KCNK2: variants seen among roughly 807,000 people sequenced by gnomAD.
The protein encoded by KCNK2 is potassium two pore domain channel subfamily K member 2, also known as potassium channel subfamily K member 2.
KCNK2 carries 21 observed loss-of-function variants against 40.5 expected under a neutral mutation model. The observed-to-expected ratio is 0.52, with a 90% confidence interval of 0.37 to 0.75. KCNK2 has a LOEUF of 0.75. Among genes scored for constraint, KCNK2 ranks in the 30% least tolerant of loss-of-function variants. The probability of loss-of-function intolerance (pLI) is 0.00; values close to 1 mark genes in which losing one functional copy is unlikely to be tolerated. For synonymous variants in KCNK2, 191 were observed against 202.2 expected, an observed-to-expected ratio of 0.94 and a Z score of 0.47; for missense variants, 399 against 531.6, an observed-to-expected ratio of 0.75 and a Z score of 2.45.
chr1:215,078,484 G>A (rs1659033219), upstream of KCNK2, among the ~76,000 whole-genome samples: 1 of 152,156 alleles, frequency 6.6e-6, no homozygotes, highest in Admixed American at 6.5e-5. Flanking sequence ...CCTCTTCCAG[G>A]GCAGCAGGAG....
At chr1:215,211,137 C>T (rs1007106478) in intron 6 of KCNK2, among the ~76,000 whole-genome samples, 6 of 152,084 alleles carry the variant, frequency 3.9e-5, no homozygotes, top group Non-Finnish European at 8.8e-5. Context: ...AGAGTAAAAG[C>T]GAATGTCTGT....
At chr1:215,200,804 G>T (rs1216968408) in intron 6 of KCNK2, among the ~76,000 whole-genome samples, 3 of 152,144 alleles carry the variant, frequency 2.0e-5, no homozygotes, top group Admixed American at 2.0e-4. Context: ...AAAGGAGAAT[G>T]ACATCCATAA....
At chr1:215,047,562 T>A (rs1055094868) in intron 1 of KCNK2, among the ~76,000 whole-genome samples, 9 of 152,110 alleles carry the variant, frequency 5.9e-5, no homozygotes, top group Non-Finnish European at 1.3e-4. Context: ...ATTAAGATTC[T>A]ATGATGATAG....
intron 5 of KCNK2, among the ~76,000 whole-genome samples, chr1:215,191,610 A>G (rs1171053975): frequency 6.6e-6 from 1 of 152,170 alleles, no homozygotes; most frequent in Non-Finnish European, 1.5e-5. Context: ...GTCACATGTC[A>G]TATAAGAATG....
intron 5 of KCNK2, among the ~76,000 whole-genome samples, chr1:215,172,844 A>G (rs1663779283): frequency 6.6e-6 from 1 of 151,998 alleles, no homozygotes; most frequent in Non-Finnish European, 1.5e-5. Flanking sequence ...TTTAGGAGAG[A>G]TGGGGTTTCA....
At chr1:215,083,485 C>T (rs1417945972) in intron 1 of KCNK2, 54 bp downstream of exon 1, 2 of 1,356,532 alleles carry the variant, frequency 1.5e-6, no homozygotes, top group African/African-American at 1.4e-5. Flanking sequence ...TCTCCTGCCC[C>T]AGCCTTTTCT....
At chr1:215,105,597 A>G (rs1475052046) in intron 2 of KCNK2, among the ~76,000 whole-genome samples, 1 of 151,926 alleles carries the variant, frequency 6.6e-6, no homozygotes, top group Non-Finnish European at 1.5e-5. Flanking sequence ...TGATTTATTT[A>G]TTTCAACTTT....
chr1:215,045,230 A>G (rs1293389109), intron 1 of KCNK2, among the ~76,000 whole-genome samples: 3 of 152,114 alleles, frequency 2.0e-5, no homozygotes, highest in African/African-American at 7.2e-5. Context: ...ACCACATAAA[A>G]AACAAAAAAG....
At chr1:215,056,178 C>T (rs1658152967) in intron 1 of KCNK2, among the ~76,000 whole-genome samples, 1 of 151,512 alleles carries the variant, frequency 6.6e-6, no homozygotes, top group African/African-American at 2.4e-5. Flanking sequence ...CATGGTGGTG[C>T]ATGCTTGTAA....
Position 215,139,709 on chromosome 1 carries a change from G to A in KCNK2, c.475+14959G>A, listed in dbSNP as rs373250219. ...GAGGCAGGAGAATTGCTTGAACCCAGGAGGTGGAGGTTCAAAAAAAAAGTA... is the reference window on the plus strand; with the variant it reads ...GAGGCAGGAGAATTGCTTGAACCCAAGAGGTGGAGGTTCAAAAAAAAAGTA... On this transcript the variant is annotated intron_variant, in intron 3 of 6. Transcript: ENST00000444842. 5.3e-4 allele frequency among the ~76,000 whole-genome samples: 80 copies of A among 152,204 alleles called. 1 individual carries two copies. The South Asian group carries it at 0.016, about 30-fold the overall frequency.
At chr1:215,226,576 C>T (rs552662853) in intron 6 of KCNK2, among the ~76,000 whole-genome samples, 4 of 152,234 alleles carry the variant, frequency 2.6e-5, no homozygotes, top group South Asian at 2.1e-4. Context: ...TCACCCACCT[C>T]GGCCTCCCAA....
intron 1 of KCNK2, among the ~76,000 whole-genome samples, chr1:215,037,913 C>T (rs1452616): frequency 0.85 from 129,170 of 151,638 alleles, 55,294 homozygotes; most frequent in East Asian, 0.99. Context: ...TATTTTCTCT[C>T]TTTCTTGAGA....
At chr1:215,197,454 G>C (rs1339184113) in intron 6 of KCNK2, among the ~76,000 whole-genome samples, 1 of 152,124 alleles carries the variant, frequency 6.6e-6, no homozygotes, top group East Asian at 1.9e-4. Flanking sequence ...ATGCATGAGA[G>C]AGAGTGAGAG....
At chr1:215,059,160 CACACACACATA>C (rs1658281968) in intron 1 of KCNK2, among the ~76,000 whole-genome samples, 1 of 142,068 alleles carries the variant, frequency 7.0e-6, no homozygotes, top group Non-Finnish European at 1.6e-5. Context: ...TATATATATA[CACACACACATA>C]CATATTTATT....
chr1:215,007,059 ATG>A (rs71816711), intron 1 of KCNK2, among the ~76,000 whole-genome samples: 16,458 of 96,598 alleles, frequency 0.17, 1,751 homozygotes, highest in Middle Eastern at 0.28. Context: ...GTATATATAT[ATG>A]TGTGTGTGTG....
At chr1:215,193,164 T>C (rs1164709035) in intron 5 of KCNK2, among the ~76,000 whole-genome samples, 1 of 152,194 alleles carries the variant, frequency 6.6e-6, no homozygotes, top group South Asian at 2.1e-4. Context: ...TTTTAATATA[T>C]ACCTGCAACT....
intron 2 of KCNK2, among the ~76,000 whole-genome samples, chr1:215,120,043 A>T (rs1661113455): frequency 1.3e-5 from 2 of 152,172 alleles, no homozygotes; most frequent in South Asian, 4.1e-4. Flanking sequence ...TGGTAGACTC[A>T]TTCTCATAGT....
At chr1:215,162,013 C>G (rs1044576961) in intron 3 of KCNK2, among the ~76,000 whole-genome samples, 2 of 152,156 alleles carry the variant, frequency 1.3e-5, no homozygotes, top group Admixed American at 6.6e-5. Flanking sequence ...TTGTCTTCCA[C>G]GATGGTTGAA....
intron 3 of KCNK2, among the ~76,000 whole-genome samples, chr1:215,160,037 G>A (rs1303528815): frequency 1.3e-5 from 2 of 152,162 alleles, no homozygotes; most frequent in Non-Finnish European, 2.9e-5. Flanking sequence ...GAAGGTTTAT[G>A]AACTATTCTG....
Sources: allele counts gnomAD v4.1 joint callset (sites outside exome capture counted in the v4.1 genomes callset), GRCh38; gene constraint gnomAD v4.1.1; transcripts MANE v1.5; gene names NCBI Gene and HGNC (gene_info 2026-07-23, HGNC 2026-07-21).